IGF1R: variants seen among roughly 807,000 people sequenced by gnomAD.
IGF1R encodes the protein insulin like growth factor 1 receptor.
IGF1R carries 44 observed loss-of-function variants against 144.6 expected under a neutral mutation model. The observed-to-expected ratio is 0.30, with a 90% CI of 0.24 to 0.39. The LOEUF is 0.39. IGF1R is among the 10% of genes least tolerant of loss of function. The pLI is 1.00. For synonymous variants in IGF1R, 795 were observed against 722.8 expected (o/e 1.10, Z -1.60); for missense variants, 1,355 against 1,833.7 (o/e 0.74, Z 4.77).
At chr15:98,880,115 T>C (rs906067638) in intron 2 of IGF1R, among the ~76,000 whole-genome samples, 2 of 152,204 alleles carry the variant, frequency 1.3e-5, no homozygotes, top group African/African-American at 2.4e-5. Context: ...GGGTGAGTTA[T>C]AGGGTATGTG....
intron 7 of IGF1R, among the ~76,000 whole-genome samples, chr15:98,912,253 C>CT (rs1567194345): frequency 1.3e-5 from 2 of 152,226 alleles, no homozygotes; most frequent in Non-Finnish European, 2.9e-5. Flanking sequence ...ATCTTGTACT[C>CT]TTTCCTCCTG....
chr15:98,789,599 A>G (rs2056084458), intron 2 of IGF1R, among the ~76,000 whole-genome samples: 1 of 152,212 alleles, frequency 6.6e-6, no homozygotes, highest in Non-Finnish European at 1.5e-5. Flanking sequence ...CTTAATTATA[A>G]TGATGTGCAA....
At chr15:98,924,259 A>G (rs1267031416) in intron 12 of IGF1R, among the ~76,000 whole-genome samples, 3 of 152,264 alleles carry the variant, frequency 2.0e-5, no homozygotes, top group African/African-American at 7.2e-5. Flanking sequence ...ACCTTGTGGC[A>G]TAGGCCAGGT....
At chr15:98,924,754 G>A (rs185726620) in intron 13 of IGF1R, 70 bp downstream of exon 13, 72 of 1,324,400 alleles carry the variant, frequency 5.4e-5, no homozygotes, top group Middle Eastern at 2.1e-4. Flanking sequence ...AGGACAGCCC[G>A]AGTGTTCATG....
At chr15:98,857,774 C>T (rs1350938024) in intron 2 of IGF1R, among the ~76,000 whole-genome samples, 1 of 152,146 alleles carries the variant, frequency 6.6e-6, no homozygotes, top group Non-Finnish European at 1.5e-5. Context: ...TACTGGACAT[C>T]ACAGATCTAA....
In IGF1R at chr15:98,929,879, G is replaced by T. The variant is rs2293114; in HGVS notation, c.2885+219G>T. ...GATGGTACAGACCTTCCCCTGGCTG[G>T]CTTTTCTGGTATACAGATACTGCTG... On this transcript the variant is annotated intron_variant, in intron 14 of 20. Coordinates refer to ENST00000650285, the MANE Select transcript of IGF1R (RefSeq NM_000875.5). Among the ~76,000 whole-genome samples, 6 of 152,302 alleles carry T rather than the reference G, an allele frequency of 3.9e-5. No homozygotes were observed. The East Asian group carries it at 1.2e-3, about 29-fold the overall frequency.
intron 15 of IGF1R, among the ~76,000 whole-genome samples, chr15:98,931,063 G>A (rs528198706): frequency 9.2e-5 from 14 of 152,240 alleles, no homozygotes; most frequent in Admixed American, 6.5e-4. Flanking sequence ...TGCAATGTGC[G>A]TTTTCTTAAT....
intron 13 of IGF1R, among the ~76,000 whole-genome samples, chr15:98,928,898 G>A (rs998577766): frequency 3.3e-5 from 5 of 152,100 alleles, no homozygotes; most frequent in African/African-American, 7.2e-5. Flanking sequence ...AAGGGGTGCC[G>A]TCCAGTGTGT....
At chr15:98,768,176 T>C (rs2055482836) in intron 2 of IGF1R, among the ~76,000 whole-genome samples, 1 of 152,196 alleles carries the variant, frequency 6.6e-6, no homozygotes, top group South Asian at 2.1e-4. Context: ...GGACCTTGGA[T>C]GAGCTTGTGT....
chr15:98,928,824 A>T (rs1422290849), intron 13 of IGF1R, among the ~76,000 whole-genome samples: 2 of 151,986 alleles, frequency 1.3e-5, no homozygotes, highest in Non-Finnish European at 2.9e-5. Context: ...GCTGGTTCTG[A>T]TGATCAGTGG....
chr15:98,777,262 G>C (rs989600003), intron 2 of IGF1R, among the ~76,000 whole-genome samples: 2 of 152,206 alleles, frequency 1.3e-5, no homozygotes, highest in South Asian at 4.1e-4. Flanking sequence ...TACTCAGTGT[G>C]GTTTGTTTTA....
At chr15:98,703,842 A>G (rs1416193911) in intron 1 of IGF1R, among the ~76,000 whole-genome samples, 2 of 152,202 alleles carry the variant, frequency 1.3e-5, no homozygotes, top group African/African-American at 2.4e-5. Context: ...TAGGTACTGA[A>G]TTTTGTGATC....
chr15:98,893,117 C>T (rs117002573), intron 3 of IGF1R, among the ~76,000 whole-genome samples: 21 of 152,300 alleles, frequency 1.4e-4, no homozygotes, highest in Non-Finnish European at 2.6e-4. Flanking sequence ...ATCTATTCTA[C>T]AAATATAAAA....
intron 20 of IGF1R, among the ~76,000 whole-genome samples, chr15:98,952,122 A>G (rs74032128): frequency 0.079 from 11,952 of 152,248 alleles, 895 homozygotes; most frequent in African/African-American, 0.19. Context: ...TAAAAGATCC[A>G]GGACCTGAGC....
chr15:98,948,776 C>A (rs1373529072), intron 20 of IGF1R, 68 bp downstream of exon 20: 1 of 1,559,352 alleles, frequency 6.4e-7, no homozygotes. Context: ...TCTTGGGTCA[C>A]AGGAGATTAG....
At chr15:98,936,934 G>A (rs1209242989) in intron 17 of IGF1R, among the ~76,000 whole-genome samples, 3 of 152,130 alleles carry the variant, frequency 2.0e-5, no homozygotes, top group South Asian at 2.1e-4. Flanking sequence ...TGCCCAGGCT[G>A]GGGTGCAGTG....
intron 2 of IGF1R, among the ~76,000 whole-genome samples, chr15:98,722,993 C>A (rs1190349580): frequency 6.6e-6 from 1 of 151,940 alleles, no homozygotes; most frequent in Non-Finnish European, 1.5e-5. Flanking sequence ...ACTGGTTCAA[C>A]ACCCATGTCA....
chr15:98,747,003 T>G (rs537079733), intron 2 of IGF1R, among the ~76,000 whole-genome samples: 6 of 152,352 alleles, frequency 3.9e-5, no homozygotes, highest in African/African-American at 1.4e-4. Flanking sequence ...ATTCACCAGG[T>G]GCGTGGATCG....
Position 98,652,934 on chromosome 15 carries a change from CTTT to C in IGF1R, c.94+3271_94+3273del, listed in dbSNP as rs5814887. On this transcript the variant is annotated intron_variant, in intron 1 of 20. Coordinates refer to ENST00000650285, the MANE Select transcript of IGF1R (RefSeq NM_000875.5). ...TATGTGAATTATATCTCAATAAACC[CTTT>C]TTTTTTTTTTTAAAGAAATGTGATC... 6.3e-3 allele frequency among the ~76,000 whole-genome samples: 896 copies of C among 143,350 alleles called. 11 individuals are homozygous for C. The highest frequency in any genetic ancestry group is 0.022 in the African/African-American group (873 of 39,218). 94.0% of individuals were successfully genotyped at this position (143,350 alleles called of 152,430 possible).
Sources: gnomAD v4.1 joint callset for allele counts (sites outside exome capture counted in the v4.1 genomes callset) on GRCh38, gnomAD v4.1.1 for gene constraint, MANE v1.5 for transcripts, NCBI Gene and HGNC (gene_info 2026-07-23, HGNC 2026-07-21) for gene names.